The following FAM13C variants were observed in gnomAD, a reference collection of about 807,000 sequenced individuals.
FAM13C encodes the protein protein FAM13C.
In FAM13C, 37 loss-of-function variants were observed where a neutral mutation model predicts 73.2. The observed-to-expected ratio is 0.51, with a 90% CI of 0.39 to 0.67. The LOEUF (loss-of-function observed/expected upper bound fraction) is 0.67. FAM13C is among the 30% of genes least tolerant of loss of function. The probability of loss-of-function intolerance (pLI) is 0.00; values close to 1 mark genes in which losing one functional copy is unlikely to be tolerated. For missense variants in FAM13C, 589 were observed against 715.6 expected, an observed-to-expected ratio of 0.82 and a Z score of 2.02; for synonymous variants, 246 against 260.9, an observed-to-expected ratio of 0.94 and a Z score of 0.55.
chr10:59,312,397 T>G (rs1435316728), intron 4 of FAM13C, among the ~76,000 whole-genome samples: 5 of 152,188 alleles, frequency 3.3e-5, no homozygotes, highest in African/African-American at 1.2e-4. Flanking sequence ...ATCCTTCACC[T>G]GTCATCTTCC....
chr10:59,291,360 G>C (rs1444655232), intron 5 of FAM13C, among the ~76,000 whole-genome samples: 1 of 152,142 alleles, frequency 6.6e-6, no homozygotes, highest in Non-Finnish European at 1.5e-5. Flanking sequence ...AAAGACATTG[G>C]ACTTTTGGCG....
At chr10:59,284,331 A>T (rs945530950) in intron 5 of FAM13C, among the ~76,000 whole-genome samples, 3 of 152,010 alleles carry the variant, frequency 2.0e-5, no homozygotes, top group Non-Finnish European at 4.4e-5. Flanking sequence ...AGTCAGCCTG[A>T]GTCCCTGGCC....
At chr10:59,354,379 G>C (rs1470604891) in intron 2 of FAM13C, among the ~76,000 whole-genome samples, 1 of 152,124 alleles carries the variant, frequency 6.6e-6, no homozygotes, top group African/African-American at 2.4e-5. Context: ...TGGTTCCTCA[G>C]GATCTCCGAA....
At chr10:59,316,358 T>C (rs913813364) in intron 4 of FAM13C, among the ~76,000 whole-genome samples, 2 of 152,340 alleles carry the variant, frequency 1.3e-5, no homozygotes, top group East Asian at 3.9e-4. Context: ...AAAGATATTG[T>C]TTTTAAGATG....
At chr10:59,340,806 C>T (rs1421279556) in intron 3 of FAM13C, among the ~76,000 whole-genome samples, 3 of 151,544 alleles carry the variant, frequency 2.0e-5, no homozygotes, top group Admixed American at 1.3e-4. Context: ...AAAGTAACTG[C>T]GGTTTTTGCC....
intron 4 of FAM13C, among the ~76,000 whole-genome samples, chr10:59,311,921 T>C (rs1249117103): frequency 6.6e-6 from 1 of 152,122 alleles, no homozygotes; most frequent in Non-Finnish European, 1.5e-5. Context: ...CACCTTCCTG[T>C]ACCCAGCTCC....
At chr10:59,341,162 A>G (rs1232273099) in intron 3 of FAM13C, among the ~76,000 whole-genome samples, 1 of 152,112 alleles carries the variant, frequency 6.6e-6, no homozygotes, top group Non-Finnish European at 1.5e-5. Context: ...TCTAAACGCC[A>G]ATTGCTACCC....
intron 3 of FAM13C, among the ~76,000 whole-genome samples, chr10:59,333,451 GCAC>G (rs1852282624): frequency 6.6e-6 from 1 of 152,092 alleles, no homozygotes; most frequent in African/African-American, 2.4e-5. Flanking sequence ...TCACTCCACT[GCAC>G]TCCAGCCTGG....
At chr10:59,325,429 A>ATCCT (rs1418229045) in intron 3 of FAM13C, among the ~76,000 whole-genome samples, 3 of 152,178 alleles carry the variant, frequency 2.0e-5, no homozygotes, top group Non-Finnish European at 4.4e-5. Flanking sequence ...CCCTATCAAG[A>ATCCT]TCCTCTCTTT....
chr10:59,326,643 T>TTTTAG (rs1394030974), intron 3 of FAM13C, among the ~76,000 whole-genome samples: 2 of 152,100 alleles, frequency 1.3e-5, no homozygotes, highest in Non-Finnish European at 1.5e-5. Context: ...GAATAAAGAT[T>TTTTAG]TTTAGTTTAG....
intron 9 of FAM13C, 134 bp downstream of exon 9, chr10:59,263,951 G>A (rs566551567): frequency 1.3e-6 from 1 of 795,790 alleles, no homozygotes; most frequent in African/African-American, 1.7e-5. Flanking sequence ...TATTTCAAAA[G>A]GGAGTTACAG....
intron 4 of FAM13C, among the ~76,000 whole-genome samples, chr10:59,303,327 G>A (rs113367120): frequency 4.9e-4 from 75 of 152,288 alleles, no homozygotes; most frequent in African/African-American, 1.7e-3. Flanking sequence ...ATACAGTCCT[G>A]TACATTTTCT....
chr10:59,342,508 C>A (rs1347879258), intron 3 of FAM13C, among the ~76,000 whole-genome samples: 3 of 152,076 alleles, frequency 2.0e-5, no homozygotes, highest in Non-Finnish European at 2.9e-5. Flanking sequence ...ACACAGGATG[C>A]CCAGTTAAAT....
intron 4 of FAM13C, among the ~76,000 whole-genome samples, chr10:59,318,075 C>T (rs1849756136): frequency 1.3e-5 from 2 of 151,856 alleles, no homozygotes; most frequent in African/African-American, 2.4e-5. Flanking sequence ...GGTTATATCT[C>T]GGAGGTAAGA....
rs544875199 is a variant in FAM13C, at chr10:59,344,896, G to C, written c.324+7374C>G. On this transcript the variant is annotated intron_variant, in intron 3 of 13. Coordinates refer to ENST00000618804, the MANE Select transcript of FAM13C (RefSeq NM_198215.4). Reference sequence around the variant, plus strand: ...CAGCAGGTCTCGGAACCCAATGGAGGCACAACAGGTACCAATAGGACAAAG... The same window carrying C: ...CAGCAGGTCTCGGAACCCAATGGAGCCACAACAGGTACCAATAGGACAAAG... Among the ~76,000 whole-genome samples the C allele has an allele frequency of 9.6e-4, 146 of 152,096 alleles. 1 individual carries two copies. The highest frequency in any genetic ancestry group is 3.2e-3 in the African/African-American group (134 of 41,510).
intron 4 of FAM13C, chr10:59,323,091 G>A (rs1262683947): frequency 6.6e-6 from 1 of 152,142 alleles, no homozygotes; most frequent in Non-Finnish European, 1.5e-5. Flanking sequence ...CTCTGTAGTT[G>A]TTGATTTAGA....
chr10:59,314,351 C>G (rs180833271), intron 4 of FAM13C, among the ~76,000 whole-genome samples: 1 of 152,144 alleles, frequency 6.6e-6, no homozygotes, highest in South Asian at 2.1e-4. Flanking sequence ...TTAATCCTTG[C>G]GACAGTAGCT....
rs564646900 is a variant in FAM13C, at chr10:59,316,337, TG to T, written c.443+7650del. Among the ~76,000 whole-genome samples the T allele has an allele frequency of 4.8e-3, 724 of 152,298 alleles. 2 individuals are homozygous for T. The highest frequency in any genetic ancestry group is 0.017 in the African/African-American group (686 of 41,566). On this transcript the variant is annotated intron_variant, in intron 4 of 13. Transcript: ENST00000618804. ...TAAGCACAAACCAAGAAAACTATAA[TG>T]GATGCACATAAAGATATTGTTTTTA...
intron 6 of FAM13C, among the ~76,000 whole-genome samples, chr10:59,274,741 C>T (rs1844135940): frequency 6.6e-6 from 1 of 152,166 alleles, no homozygotes; most frequent in African/African-American, 2.4e-5. Context: ...TGAGCAATAA[C>T]CAAGGGAAAT....
Sources: gnomAD v4.1 joint callset for allele counts (sites outside exome capture counted in the v4.1 genomes callset) on GRCh38, gnomAD v4.1.1 for gene constraint, MANE v1.5 for transcripts, NCBI Gene and HGNC (gene_info 2026-07-23, HGNC 2026-07-21) for gene names.